Variants in IL12RB2 observed in about 807,000 individuals in gnomAD.
IL12RB2 encodes interleukin-12 receptor subunit beta-2.
In IL12RB2, 82 loss-of-function variants were observed where a neutral mutation model predicts 89.4. The ratio of observed to expected loss-of-function variants is 0.92; its 90% confidence interval spans 0.77 to 1.10. IL12RB2 has a LOEUF of 1.10. IL12RB2 is among the 50% of genes least tolerant of loss of function. The pLI is 0.00. For synonymous variants in IL12RB2, 368 were observed against 370.1 expected (o/e 0.99, Z 0.07); for missense variants, 963 against 1,031.9 (o/e 0.93, Z 0.92).
chr1:67,323,942 G>A (rs560935820), intron 4 of IL12RB2, among the ~76,000 whole-genome samples: 3 of 152,234 alleles, frequency 2.0e-5, no homozygotes, highest in Admixed American at 6.5e-5. Flanking sequence ...ATGGATAGAA[G>A]TCCCAATACA....
At chr1:67,340,979 G>C (rs983396563) in intron 9 of IL12RB2, among the ~76,000 whole-genome samples, 1 of 152,192 alleles carries the variant, frequency 6.6e-6, no homozygotes, top group African/African-American at 2.4e-5. Context: ...CTGGGACAGG[G>C]AGAATCTCAC....
intron 9 of IL12RB2, among the ~76,000 whole-genome samples, chr1:67,348,890 C>T (rs1380293761): frequency 6.6e-6 from 1 of 152,102 alleles, no homozygotes; most frequent in Non-Finnish European, 1.5e-5. Flanking sequence ...CAGCCTAACC[C>T]ATGGGATACC....
intron 8 of IL12RB2, among the ~76,000 whole-genome samples, chr1:67,334,634 C>T (rs540820212): frequency 4.9e-4 from 75 of 151,950 alleles, no homozygotes; most frequent in Admixed American, 1.2e-3. Flanking sequence ...ACCCCGCCAC[C>T]ACGCCCGGCT....
At position 67,395,975 on chromosome 1, in the gene IL12RB2, G is replaced by C. The variant is rs1307323575; in HGVS notation, c.2475G>C (p.Gln825His). The C allele has an allele frequency of 6.2e-7, 1 of 1,606,144 alleles. No individual in the cohort carries two copies. The highest frequency in any genetic ancestry group is 1.7e-5 in the Admixed American group (1 of 60,026). ...ACTCTCTGGAAGAACTGGAGCCTCA[G>C]CACATCTCCCTTTCTGTTTTCCCCT... ...LADSLEELEP[Q>H]HISLSVFPSS... Residue 825 changes from glutamine to histidine, a missense_variant, in exon 17 of 17, where the codon CAG becomes CAC. Gln to His is a conservative substitution (Grantham distance 24). Transcript: ENST00000674203.
chr1:67,340,463 T>G (rs1186502395), intron 9 of IL12RB2, among the ~76,000 whole-genome samples: 15 of 152,256 alleles, frequency 9.9e-5, no homozygotes, highest in Non-Finnish European at 2.1e-4. Flanking sequence ...AAAGATATGC[T>G]ACGTGTTAAT....
At chr1:67,348,945 T>C (rs879383559) in intron 9 of IL12RB2, among the ~76,000 whole-genome samples, 6 of 152,192 alleles carry the variant, frequency 3.9e-5, no homozygotes, top group Non-Finnish European at 7.4e-5. Flanking sequence ...CACCTTTTCA[T>C]TGATATTTTC....
rs199858858 is a variant in IL12RB2, at chr1:67,361,714, AAAAG to A, written c.1259-6106_1259-6103del. 5.2e-3 allele frequency among the ~76,000 whole-genome samples: 786 copies of A among 152,274 alleles called. 6 individuals carry two copies. Among genetic ancestry groups the A allele is most frequent in the African/African-American group, 0.016 (661 of 41,554 alleles). On this transcript the variant is annotated intron_variant, in intron 10 of 16. Transcript: ENST00000674203. ...ATAATGGAAATATGAGAAGGTAAAA[AAAAG>A]AAAGGAATAAAAGAAATATTTGAAA...
intron 13 of IL12RB2, 182 bp from the exon 14 acceptor site, chr1:67,379,804 T>C: frequency 1.7e-6 from 1 of 585,470 alleles, no homozygotes; most frequent in Non-Finnish European, 3.0e-6. Context: ...GAGATGTCCA[T>C]AAATGACGAT....
At position 67,395,981 on chromosome 1, in the gene IL12RB2, C is replaced by T. The variant is rs1324204573; in HGVS notation, c.2481C>T (p.Ile827=). The change falls in exon 17 of 17, where the codon ATC becomes ATT. Residue 827 remains isoleucine (I), a synonymous_variant. Transcript: ENST00000674203. ...TGGAAGAACTGGAGCCTCAGCACATCTCCCTTTCTGTTTTCCCCTCAAGTT... is the reference window on the plus strand; with the variant it reads ...TGGAAGAACTGGAGCCTCAGCACATTTCCCTTTCTGTTTTCCCCTCAAGTT... ...DSLEELEPQH[I]SLSVFPSSSL... 5 of 1,604,756 alleles carry T rather than the reference C, an allele frequency of 3.1e-6. No homozygotes were observed. The Admixed American group carries it at 8.3e-5, about 27-fold the overall frequency.
chr1:67,349,422 C>T lies in IL12RB2; in HGVS notation c.1039-1448C>T, dbSNP rs75908445. On this transcript the variant is annotated intron_variant, in intron 9 of 16. Transcript: ENST00000674203. ...GGGGATGGTCTTCCCTTGCCAGTGT[C>T]TGCTTTATTGTTTTTCTCCTCTGAC... 6.2e-3 allele frequency among the ~76,000 whole-genome samples: 943 copies of T among 152,278 alleles called. 6 individuals are homozygous for T. Among genetic ancestry groups the T allele is most frequent in the African/African-American group, 0.021 (875 of 41,542 alleles).
chr1:67,336,719 C>A (rs1427904800), intron 8 of IL12RB2, among the ~76,000 whole-genome samples: 2 of 152,204 alleles, frequency 1.3e-5, no homozygotes, highest in Admixed American at 6.5e-5. Flanking sequence ...CGCAGAGAAA[C>A]CATTAGCTTT....
intron 3 of IL12RB2, 73 bp from the exon 4 acceptor site, chr1:67,321,529 A>T: frequency 1.1e-6 from 1 of 951,708 alleles, no homozygotes; most frequent in South Asian, 1.3e-5. Context: ...TGTTTTGGGG[A>T]ATTACATAAA....
chr1:67,355,423 A>G (rs917207449), intron 10 of IL12RB2, among the ~76,000 whole-genome samples: 3 of 110,666 alleles, frequency 2.7e-5, no homozygotes, highest in South Asian at 5.2e-4. Flanking sequence ...TCTCAAAAAG[A>G]AAAAAAAAAA....
At chr1:67,355,665 C>T (rs1418274967) in intron 10 of IL12RB2, among the ~76,000 whole-genome samples, 1 of 152,154 alleles carries the variant, frequency 6.6e-6, no homozygotes, top group African/African-American at 2.4e-5. Context: ...AAAACCAGAC[C>T]ACCCTTGGGT....
intron 16 of IL12RB2, among the ~76,000 whole-genome samples, chr1:67,393,864 C>T (rs1402651591): frequency 3.4e-5 from 5 of 148,900 alleles, no homozygotes; most frequent in African/African-American, 9.7e-5. Flanking sequence ...CCTTGTCCCA[C>T]GGCTATTTTT....
At chr1:67,328,973 G>A (rs1037672125) in intron 6 of IL12RB2, among the ~76,000 whole-genome samples, 2 of 152,166 alleles carry the variant, frequency 1.3e-5, no homozygotes, top group African/African-American at 4.8e-5. Context: ...AGGCAGAACT[G>A]GGCTGCCTGA....
In IL12RB2 at chr1:67,396,379, G is replaced by A. The variant is rs1291063093; in HGVS notation, c.*290G>A. 1 of 513,576 alleles carries A rather than the reference G, an allele frequency of 1.9e-6. No individual in the cohort carries two copies. The highest frequency in any genetic ancestry group is 3.6e-6 in the Non-Finnish European group (1 of 281,388). 31.8% of individuals were successfully genotyped at this position (513,576 alleles called of 1,614,324 possible). On this transcript the variant is annotated 3_prime_UTR_variant, in exon 17 of 17. Transcript: ENST00000674203. ...ACTTTCTTGGTATGCTGGCCAGAAA[G>A]GGAAATGAGGAGGAGAGTAGAAACC... is the stretch of plus-strand genomic sequence containing the variant.
At position 67,334,318 on chromosome 1, in the gene IL12RB2, G is replaced by A. The variant is rs147172984; in HGVS notation, c.958+3508G>A. On this transcript the variant is annotated intron_variant, in intron 8 of 16. Transcript: ENST00000674203. Reference sequence around the variant, plus strand: ...CAGATAGTAATATTTTCAGCTTTGCGGATCATACGATCTGTCGCAACTGCT... The same window carrying A: ...CAGATAGTAATATTTTCAGCTTTGCAGATCATACGATCTGTCGCAACTGCT... Among the ~76,000 whole-genome samples the A allele has an allele frequency of 2.2e-4, 34 of 152,252 alleles. No individual in the cohort carries two copies. In the South Asian group the frequency reaches 3.3e-3, roughly 15 times the overall value.
At chr1:67,338,762 C>G (rs528852703) in intron 9 of IL12RB2, 59 bp downstream of exon 9, 2 of 836,698 alleles carry the variant, frequency 2.4e-6, no homozygotes. Flanking sequence ...AGAAAAAGAC[C>G]TATTTGCATA....
Sources: allele counts gnomAD v4.1 joint callset (sites outside exome capture counted in the v4.1 genomes callset), GRCh38; gene constraint gnomAD v4.1.1; transcripts MANE v1.5; gene names NCBI Gene and HGNC (gene_info 2026-07-23, HGNC 2026-07-21).